Variants in MED13 observed in about 807,000 individuals in gnomAD.
MED13 encodes mediator of RNA polymerase II transcription subunit 13.
In MED13, 23 loss-of-function variants were observed where a neutral mutation model predicts 225.2. That is an observed-to-expected ratio of 0.10 (90% CI 0.07 to 0.14). The LOEUF is 0.14. Ranked by LOEUF, MED13 falls within the 10% of genes least tolerant of loss-of-function variation. MED13 has a pLI of 1.00. For synonymous variants in MED13, 942 were observed against 889.2 expected (o/e 1.06, Z -1.06); for missense variants, 2,197 against 2,594.5 (o/e 0.85, Z 3.33).
At position 62,011,251 on chromosome 17, in the gene MED13, AG is replaced by A. The variant is rs775451776; in HGVS notation, c.1284-19del. 21 of 1,594,504 alleles carry A rather than the reference AG, an allele frequency of 1.3e-5. No homozygotes were observed. The African/African-American group carries it at 1.5e-4, about 11-fold the overall frequency. The stretch of plus-strand genomic sequence containing the variant: ...TTTTGTGCCTGAAAAGTGAAAATAA[AG>A]GTTTCATATTTACAGTATCACTATT... On this transcript the variant is annotated intron_variant, in intron 8 of 29. Transcript: ENST00000397786.
chr17:61,961,876 T>A, intron 21 of MED13, 97 bp from the exon 22 acceptor site: 1 of 1,143,994 alleles, frequency 8.7e-7, no homozygotes, highest in South Asian at 1.4e-5. Flanking sequence ...ACTAGAAAAT[T>A]TACACAAAAC....
intron 8 of MED13, among the ~76,000 whole-genome samples, chr17:62,016,597 T>C (rs1008636290): frequency 6.6e-6 from 1 of 152,346 alleles, no homozygotes; most frequent in East Asian, 1.9e-4. Context: ...AGATGTGCTA[T>C]AGATGTAAAA....
At position 62,049,930 on chromosome 17, in the gene MED13, C is replaced by CAAAAAAAAA. The variant is rs544006035; in HGVS notation, c.470+2598_470+2606dup. On this transcript the variant is annotated intron_variant, in intron 3 of 29. Transcript: ENST00000397786. ...GGGTGACAGAGTGAGGCTCTGTCTC[C>CAAAAAAAAA]AAAAAAAAAAAAAGAATGAAATGAA... Among the ~76,000 whole-genome samples the CAAAAAAAAA allele has an allele frequency of 2.1e-4, 20 of 96,232 alleles. 1 individual carries two copies. Among genetic ancestry groups the CAAAAAAAAA allele is most frequent in the African/African-American group, 7.3e-4 (16 of 21,846 alleles). 63.1% of individuals were successfully genotyped at this position (96,232 alleles called of 152,430 possible).
At chr17:62,011,374 G>T in intron 8 of MED13, 141 bp from the exon 9 acceptor site, 1 of 789,478 alleles carries the variant, frequency 1.3e-6, no homozygotes, top group Non-Finnish European at 1.8e-6. Flanking sequence ...GAATTTGAAA[G>T]GGGAAAAAAA....
chr17:62,028,666 CCT>C (rs1344078855), intron 8 of MED13, among the ~76,000 whole-genome samples: 1 of 151,412 alleles, frequency 6.6e-6, no homozygotes, highest in African/African-American at 2.4e-5. Context: ...ACAGTGAAAC[CCT>C]GTCTCTACTT....
intron 5 of MED13, 116 bp from the exon 6 acceptor site, chr17:62,031,754 A>G (rs1262835576): frequency 1.9e-6 from 1 of 535,382 alleles, no homozygotes; most frequent in Non-Finnish European, 2.9e-6. Context: ...ATAAAAATAC[A>G]TTTTTATAAA....
At chr17:62,058,773 A>T (rs2081015584) in intron 2 of MED13, among the ~76,000 whole-genome samples, 1 of 152,216 alleles carries the variant, frequency 6.6e-6, no homozygotes, top group Admixed American at 6.5e-5. Context: ...CTGATCCAAA[A>T]ATCATCCAGC....
At chr17:62,032,841 C>T (rs1404792524) in intron 5 of MED13, among the ~76,000 whole-genome samples, 1 of 152,174 alleles carries the variant, frequency 6.6e-6, no homozygotes, top group African/African-American at 2.4e-5. Flanking sequence ...GAGAATACAG[C>T]CAATCTGAAA....
At chr17:61,964,745 G>A (rs2080039470) in intron 20 of MED13, among the ~76,000 whole-genome samples, 2 of 152,100 alleles carry the variant, frequency 1.3e-5, no homozygotes, top group Admixed American at 1.3e-4. Context: ...AGACCAGCCT[G>A]GTCAACATGG....
chr17:62,002,276 G>A (rs2080402185), intron 9 of MED13, among the ~76,000 whole-genome samples: 1 of 152,108 alleles, frequency 6.6e-6, no homozygotes, highest in African/African-American at 2.4e-5. Context: ...GATCACCTGA[G>A]GTAGGGAGTT....
intron 3 of MED13, among the ~76,000 whole-genome samples, chr17:62,046,686 A>T (rs1011463761): frequency 1.3e-5 from 2 of 152,000 alleles, no homozygotes; most frequent in African/African-American, 2.4e-5. Context: ...AATCTACAAA[A>T]ATTAACCAGC....
chr17:62,018,404 C>T (rs139024668), intron 8 of MED13, among the ~76,000 whole-genome samples: 10 of 152,274 alleles, frequency 6.6e-5, no homozygotes, highest in Non-Finnish European at 1.0e-4. Flanking sequence ...AAACAAACTA[C>T]AGATTGTTTA....
intron 6 of MED13, chr17:62,030,641 G>C (rs563410788): frequency 1.3e-5 from 2 of 152,302 alleles, no homozygotes; most frequent in East Asian, 3.9e-4. Context: ...TTTTTTGTAA[G>C]GTCAGCTGAG....
chr17:62,015,954 A>ATATATTTTTTTTT (rs1567980090), intron 8 of MED13, among the ~76,000 whole-genome samples: 1 of 12,904 alleles, frequency 7.7e-5, no homozygotes, highest in Non-Finnish European at 1.1e-4. Flanking sequence ...ATATATATAT[A>ATATATTTTTTTTT]TTTTTTTTTT....
chr17:61,950,234 T>C (rs1013007661), intron 28 of MED13, among the ~76,000 whole-genome samples: 1 of 152,106 alleles, frequency 6.6e-6, no homozygotes, highest in Admixed American at 6.6e-5. Context: ...TGAAACAGAT[T>C]GAGCATCTCC....
chr17:61,955,771 T>C lies in MED13; in HGVS notation c.5691A>G (p.Arg1897=), dbSNP rs1339204097. Residue 1897 remains arginine (R), a synonymous_variant, in exon 25 of 30, where the codon AGA becomes AGG. Transcript: ENST00000397786. ...SLSKRLKDMC[R]MCGISAADSP... ...AGTCTGCAGCAGATATACCACACAT[T>C]CTACACATGTCTTTGAGCCTTTTAC... 1 of 1,611,218 alleles carries C rather than the reference T, an allele frequency of 6.2e-7. No individual in the cohort carries two copies. The highest frequency in any genetic ancestry group is 8.5e-7 in the Non-Finnish European group (1 of 1,179,384).
intron 9 of MED13, among the ~76,000 whole-genome samples, chr17:62,002,942 T>C (rs2080409661): frequency 1.3e-5 from 2 of 152,250 alleles, no homozygotes; most frequent in African/African-American, 4.8e-5. Flanking sequence ...TATGGGAGAT[T>C]ATCCTGTGCA....
intron 12 of MED13, among the ~76,000 whole-genome samples, chr17:61,986,591 G>A (rs2080250175): frequency 6.6e-6 from 1 of 152,070 alleles, no homozygotes; most frequent in Admixed American, 6.6e-5. Flanking sequence ...CAAAAGAGCT[G>A]GTATTCCTTA....
rs756719651 is a variant in MED13 at position 61,966,691 on chromosome 17, T to G, written c.4192-40A>C. 6 of 1,376,238 alleles carry G rather than the reference T, an allele frequency of 4.4e-6. 2 individuals are homozygous for G. In the South Asian group the frequency reaches 8.9e-5, roughly 20 times the overall value. The allele number at this position is 1,376,238 out of a possible 1,614,324, so 85.3% of individuals were successfully genotyped here. A position where few individuals can be genotyped will look rare whatever the true frequency, so the allele number is the denominator to read the frequency against. On this transcript the variant is annotated intron_variant, in intron 18 of 29. Coordinates refer to ENST00000397786, the MANE Select transcript of MED13 (RefSeq NM_005121.3). ...ACAGAAAGCAGAATTAGTAAATTTA[T>G]TATTGTATTTAGATACACATTATAA...
Sources: allele counts gnomAD v4.1 joint callset (sites outside exome capture counted in the v4.1 genomes callset), GRCh38; gene constraint gnomAD v4.1.1; transcripts MANE v1.5; gene names NCBI Gene and HGNC (gene_info 2026-07-23, HGNC 2026-07-21).